The following PPARGC1A variants were observed in gnomAD, a reference collection of about 807,000 sequenced individuals.
PPARGC1A encodes PPARG coactivator 1 alpha.
A neutral mutation model predicts 88.7 loss-of-function variants in PPARGC1A; 25 were observed. That is an observed-to-expected ratio of 0.28 (90% CI 0.21 to 0.39). The LOEUF is 0.39. Among genes scored for constraint, PPARGC1A ranks in the 10% least tolerant of loss-of-function variants. The pLI is 1.00. For synonymous variants in PPARGC1A, 363 were observed against 355.6 expected (o/e 1.02, Z -0.24); for missense variants, 880 against 968.7 (o/e 0.91, Z 1.22).
the PPARGC1A span, among the ~76,000 whole-genome samples, chr4:23,992,249 T>C: frequency 6.7e-6 from 1 of 150,218 alleles, no homozygotes; most frequent in African/African-American, 2.5e-5. Context: ...GCAGTTGATA[T>C]TATGATTATT....
At chr4:24,080,759 G>C in the PPARGC1A span, among the ~76,000 whole-genome samples, 3 of 152,078 alleles carry the variant, frequency 2.0e-5, no homozygotes, top group African/African-American at 7.2e-5. Context: ...ATGAAACTGA[G>C]GGTTTAGAGT....
chr4:24,133,145 T>C, the PPARGC1A span, among the ~76,000 whole-genome samples: 4 of 152,196 alleles, frequency 2.6e-5, no homozygotes, highest in East Asian at 5.8e-4. Context: ...TTTGAGGCCC[T>C]AGCACCCTTT....
the PPARGC1A span, among the ~76,000 whole-genome samples, chr4:24,405,834 G>C: frequency 6.6e-6 from 1 of 152,050 alleles, no homozygotes; most frequent in African/African-American, 2.4e-5. Context: ...GCTTCTACAT[G>C]TTTTCTTCAC....
At position 23,801,851 on chromosome 4, in the gene PPARGC1A, A is replaced by G. The variant is rs1392680954; in HGVS notation, c.2172T>C (p.Tyr724=). 1.2e-6 allele frequency: 2 copies of G among 1,614,058 alleles called. No individual in the cohort carries two copies. Among genetic ancestry groups the G allele is most frequent in the Admixed American group, 1.7e-5 (1 of 60,034 alleles). The change falls in exon 12 of 13, where the codon TAT becomes TAC. Residue 724 remains tyrosine (Y), a synonymous_variant. Transcript: ENST00000264867. ...GDSYGFITYR[Y]TCDAFAALEN... ...CAAGAGCAGCAAAAGCATCACAGGT[A>G]TAACGGTAGGTAATGAAACCATAGC...
chr4:24,142,943 A>T, the PPARGC1A span, among the ~76,000 whole-genome samples: 1 of 152,200 alleles, frequency 6.6e-6, no homozygotes, highest in Non-Finnish European at 1.5e-5. Context: ...AAAACCAGTA[A>T]GGAAGCCACT....
At chr4:23,977,501 T>A in the PPARGC1A span, among the ~76,000 whole-genome samples, 1 of 152,216 alleles carries the variant, frequency 6.6e-6, no homozygotes, top group Non-Finnish European at 1.5e-5. Flanking sequence ...GTCTATCTTA[T>A]ATAGGGCTAC....
chr4:24,286,670 T>C, the PPARGC1A span, among the ~76,000 whole-genome samples: 1 of 152,132 alleles, frequency 6.6e-6, no homozygotes, highest in African/African-American at 2.4e-5. Flanking sequence ...TGAAACCACC[T>C]TTCCTCCACA....
chr4:24,112,918 A>C, the PPARGC1A span, among the ~76,000 whole-genome samples: 1 of 152,204 alleles, frequency 6.6e-6, no homozygotes, highest in Non-Finnish European at 1.5e-5. Context: ...GGGCCAAGAG[A>C]AGCTGTCAAA....
chr4:23,959,919 AG>A, the PPARGC1A span, among the ~76,000 whole-genome samples: 1 of 152,132 alleles, frequency 6.6e-6, no homozygotes, highest in African/African-American at 2.4e-5. Context: ...CCAAAAGCAG[AG>A]GGGAAACCTT....
the PPARGC1A span, among the ~76,000 whole-genome samples, chr4:24,263,542 C>T: frequency 6.6e-6 from 1 of 151,806 alleles, no homozygotes; most frequent in African/African-American, 2.4e-5. Flanking sequence ...ATACAGAGGT[C>T]TTTTTCAATA....
chr4:23,812,689 G>C, intron 10 of PPARGC1A, 58 bp downstream of exon 10: 1 of 1,600,504 alleles, frequency 6.2e-7, no homozygotes. Context: ...ACCAAAAAAA[G>C]CACACAGAAA....
At chr4:24,270,080 G>A in the PPARGC1A span, among the ~76,000 whole-genome samples, 1 of 152,110 alleles carries the variant, frequency 6.6e-6, no homozygotes, top group African/African-American at 2.4e-5. Flanking sequence ...TCCTCAGTGT[G>A]GGCTGTGTTC....
the PPARGC1A span, among the ~76,000 whole-genome samples, chr4:24,327,987 C>T: frequency 6.6e-6 from 1 of 152,084 alleles, no homozygotes; most frequent in Admixed American, 6.5e-5. Flanking sequence ...GGCTCAGAAG[C>T]TCCCCCACTG....
chr4:24,127,167 C>A, the PPARGC1A span, among the ~76,000 whole-genome samples: 1 of 152,130 alleles, frequency 6.6e-6, no homozygotes, highest in Admixed American at 6.5e-5. Context: ...TTTTATCAAC[C>A]TACTTGGTTT....
Position 23,872,550 on chromosome 4 carries a change from T to A in PPARGC1A, c.234+12202A>T, listed in dbSNP as rs145949289. ...AAGGTGAAGGCATTTCTAAAGACAA[T>A]AAGTAGGAGAAGGGCAGAATTTATC... On this transcript the variant is annotated intron_variant, in intron 2 of 12. Transcript: ENST00000264867. 2.8e-3 allele frequency among the ~76,000 whole-genome samples: 423 copies of A among 152,212 alleles called. 3 individuals are homozygous for A. Among genetic ancestry groups the A allele is most frequent in the African/African-American group, 9.9e-3 (410 of 41,538 alleles).
the PPARGC1A span, among the ~76,000 whole-genome samples, chr4:24,223,561 A>G: frequency 2.6e-5 from 4 of 152,150 alleles, no homozygotes; most frequent in South Asian, 8.3e-4. Context: ...TTCTTTGGAT[A>G]ATTTTTAACA....
At chr4:23,804,797 C>T (rs777142733) in intron 10 of PPARGC1A, among the ~76,000 whole-genome samples, 1 of 152,144 alleles carries the variant, frequency 6.6e-6, no homozygotes, top group African/African-American at 2.4e-5. Flanking sequence ...ACACCCTATT[C>T]ACACTGCACC....
At chr4:24,325,521 C>T in the PPARGC1A span, among the ~76,000 whole-genome samples, 1 of 152,154 alleles carries the variant, frequency 6.6e-6, no homozygotes, top group African/African-American at 2.4e-5. Flanking sequence ...CCAAGGAATG[C>T]CTGCAGCCCA....
chr4:23,984,912 T>G, the PPARGC1A span, among the ~76,000 whole-genome samples: 1 of 152,024 alleles, frequency 6.6e-6, no homozygotes, highest in African/African-American at 2.4e-5. Flanking sequence ...CCCCAGGCAT[T>G]GGGAAGTTCT....
Sources: gnomAD v4.1 joint callset for allele counts (sites outside exome capture counted in the v4.1 genomes callset) on GRCh38, gnomAD v4.1.1 for gene constraint, MANE v1.5 for transcripts, NCBI Gene and HGNC (gene_info 2026-07-23, HGNC 2026-07-21) for gene names.